Variants in KANSL1L observed in about 807,000 individuals in gnomAD.
The protein encoded by KANSL1L is KAT8 regulatory NSL complex subunit 1-like protein.
A neutral mutation model predicts 108.6 loss-of-function variants in KANSL1L; 25 were observed. That is an observed-to-expected ratio of 0.23 (90% confidence interval 0.17 to 0.32). KANSL1L has a LOEUF of 0.32. KANSL1L is among the 10% of genes least tolerant of loss of function. The pLI is 1.00. For missense variants in KANSL1L, 1,137 were observed against 1,125.7 expected, an observed-to-expected ratio of 1.01 and a Z score of -0.14; for synonymous variants, 405 against 395.1, an observed-to-expected ratio of 1.03 and a Z score of -0.30.
chr2:210,101,597 G>A (rs2094794550), intron 4 of KANSL1L, among the ~76,000 whole-genome samples: 1 of 151,698 alleles, frequency 6.6e-6, no homozygotes, highest in African/African-American at 2.4e-5. Flanking sequence ...ATGAGGGGAG[G>A]GAAAAGAAAG....
chr2:210,123,431 G>A (rs1379208019), intron 3 of KANSL1L, among the ~76,000 whole-genome samples: 1 of 152,074 alleles, frequency 6.6e-6, no homozygotes, highest in African/African-American at 2.4e-5. Context: ...GCCAGGCACA[G>A]AAAGACAAAT....
chr2:210,074,809 CAA>C (rs1477118539), intron 6 of KANSL1L, among the ~76,000 whole-genome samples: 1 of 151,958 alleles, frequency 6.6e-6, no homozygotes, highest in Non-Finnish European at 1.5e-5. Flanking sequence ...TAATCAGAAA[CAA>C]TATTAAATAG....
At chr2:210,049,494 C>A (rs1288809032) in intron 6 of KANSL1L, among the ~76,000 whole-genome samples, 4 of 152,024 alleles carry the variant, frequency 2.6e-5, no homozygotes, top group Non-Finnish European at 4.4e-5. Flanking sequence ...ACTGAAAGGT[C>A]ACTCTGACCT....
intron 5 of KANSL1L, among the ~76,000 whole-genome samples, chr2:210,095,465 C>T (rs560513137): frequency 7.2e-5 from 11 of 152,200 alleles, no homozygotes; most frequent in South Asian, 2.1e-4. Flanking sequence ...CTTTGGCATA[C>T]GAAACAATAG....
At chr2:210,147,154 C>G (rs1318447269) in intron 2 of KANSL1L, among the ~76,000 whole-genome samples, 1 of 152,222 alleles carries the variant, frequency 6.6e-6, no homozygotes, top group African/African-American at 2.4e-5. Context: ...AAGATGTCCA[C>G]ATGCCACAGT....
At chr2:210,027,215 C>A in intron 12 of KANSL1L, 81 bp downstream of exon 12, 1 of 914,890 alleles carries the variant, frequency 1.1e-6, no homozygotes, top group South Asian at 1.4e-5. Context: ...TTATATATTC[C>A]TTTAGTTCCC....
chr2:210,085,455 C>T lies in KANSL1L; in HGVS notation c.1551-9699G>A, dbSNP rs183346089. Among the ~76,000 whole-genome samples, 34 of 152,108 alleles carry T rather than the reference C, an allele frequency of 2.2e-4. No individual in the cohort carries two copies. In the East Asian group the frequency reaches 5.2e-3, roughly 23 times the overall value. Reference sequence around the variant, plus strand: ...TTTTTAACACATAAAGGCAAAGAGACGAGGAAACCAATATGATAGCCATAC... The same window carrying T: ...TTTTTAACACATAAAGGCAAAGAGATGAGGAAACCAATATGATAGCCATAC... On this transcript the variant is annotated intron_variant, in intron 5 of 14. Coordinates refer to ENST00000281772, the MANE Select transcript of KANSL1L (RefSeq NM_152519.4).
intron 2 of KANSL1L, among the ~76,000 whole-genome samples, chr2:210,147,557 C>T (rs1219070110): frequency 6.6e-6 from 1 of 152,128 alleles, no homozygotes; most frequent in Non-Finnish European, 1.5e-5. Context: ...TCCACTTCTC[C>T]CACAGAAAGG....
intron 10 of KANSL1L, 137 bp downstream of exon 10, chr2:210,029,666 T>G: frequency 2.2e-6 from 1 of 460,064 alleles, no homozygotes; most frequent in Admixed American, 4.1e-5. Flanking sequence ...TATATTGTTT[T>G]CTAACAAGAT....
At chr2:210,023,396 C>G (rs957668659) in intron 14 of KANSL1L, among the ~76,000 whole-genome samples, 1 of 152,136 alleles carries the variant, frequency 6.6e-6, no homozygotes, top group East Asian at 1.9e-4. Flanking sequence ...TTGCCTCTGC[C>G]AAGAAGAGGA....
chr2:210,077,564 T>G (rs1253917732), intron 5 of KANSL1L, among the ~76,000 whole-genome samples: 2 of 152,012 alleles, frequency 1.3e-5, no homozygotes, highest in African/African-American at 4.8e-5. Context: ...TAGAGGCAGT[T>G]AAGTCAGGAG....
At chr2:210,082,416 T>G (rs990917686) in intron 5 of KANSL1L, among the ~76,000 whole-genome samples, 2 of 152,184 alleles carry the variant, frequency 1.3e-5, no homozygotes, top group African/African-American at 4.8e-5. Context: ...TTCAAAGATC[T>G]TCAGCATAGG....
At chr2:210,094,261 C>G (rs893785006) in intron 5 of KANSL1L, among the ~76,000 whole-genome samples, 1 of 151,612 alleles carries the variant, frequency 6.6e-6, no homozygotes, top group African/African-American at 2.4e-5. Flanking sequence ...GTTTTCTTAC[C>G]TGCCCATTTA....
chr2:210,049,602 G>A (rs1300284242), intron 6 of KANSL1L, among the ~76,000 whole-genome samples: 1 of 152,096 alleles, frequency 6.6e-6, no homozygotes, highest in South Asian at 2.1e-4. Flanking sequence ...ATTTTTAAAA[G>A]AAAAATTTTC....
At chr2:210,079,977 GCCT>G (rs1451095329) in intron 5 of KANSL1L, 2 of 151,256 alleles carry the variant, frequency 1.3e-5, no homozygotes, top group Non-Finnish European at 2.9e-5. Flanking sequence ...TATTTCCCTG[GCCT>G]CCTCCCTAAT....
intron 6 of KANSL1L, among the ~76,000 whole-genome samples, chr2:210,052,654 CA>C (rs2094306306): frequency 6.6e-6 from 1 of 152,016 alleles, no homozygotes; most frequent in African/African-American, 2.4e-5. Context: ...TTTTTTTCCC[CA>C]AAGCACAGCA....
At chr2:210,076,671 TTTATA>T (rs2125329380) in intron 5 of KANSL1L, among the ~76,000 whole-genome samples, 1 of 151,688 alleles carries the variant, frequency 6.6e-6, no homozygotes, top group African/African-American at 2.4e-5. Flanking sequence ...ATATTTATTC[TTTATA>T]TTATTTTTTA....
At chr2:210,151,664 TC>T (rs1479042197) in intron 2 of KANSL1L, 4 of 152,188 alleles carry the variant, frequency 2.6e-5, no homozygotes. Context: ...GTCTGTTTCT[TC>T]TTAAGTGAAA....
At chr2:210,169,666 T>C (rs1409774821) in intron 1 of KANSL1L, among the ~76,000 whole-genome samples, 1 of 152,144 alleles carries the variant, frequency 6.6e-6, no homozygotes, top group African/African-American at 2.4e-5. Flanking sequence ...CTCCAGACAG[T>C]TTGCGGGAGA....
Sources: gnomAD v4.1 joint callset for allele counts (sites outside exome capture counted in the v4.1 genomes callset) on GRCh38, gnomAD v4.1.1 for gene constraint, MANE v1.5 for transcripts, NCBI Gene and HGNC (gene_info 2026-07-23, HGNC 2026-07-21) for gene names.